The following CAPN8 variants were observed in gnomAD, a reference collection of about 807,000 sequenced individuals.
CAPN8 encodes the protein calpain 8.
In CAPN8, 87 loss-of-function variants were observed where a neutral mutation model predicts 80.9. The observed-to-expected ratio is 1.07, with a 90% CI of 0.90 to 1.28. The LOEUF (loss-of-function observed/expected upper bound fraction) is 1.28. Ranked by LOEUF, CAPN8 falls within the 50% of genes most tolerant of loss-of-function variation. The pLI is 0.00. For missense variants in CAPN8, 757 were observed against 702.0 expected, an observed-to-expected ratio of 1.08 and a Z score of -0.89; for synonymous variants, 299 against 273.8, an observed-to-expected ratio of 1.09 and a Z score of -0.91.
At chr1:223,552,943 A>T (rs1307803855) in intron 14 of CAPN8, among the ~76,000 whole-genome samples, 1 of 152,196 alleles carries the variant, frequency 6.6e-6, no homozygotes, top group African/African-American at 2.4e-5. Context: ...TCTAAAACAT[A>T]AATTGGCTCA....
chr1:223,556,547 A>C, intron 13 of CAPN8, among the ~76,000 whole-genome samples: 2 of 152,328 alleles, frequency 1.3e-5, no homozygotes, highest in Middle Eastern at 6.8e-3. Flanking sequence ...GCTGTCAGTC[A>C]TAAAGAAACC....
chr1:223,550,851 GC>G, intron 15 of CAPN8, 108 bp downstream of exon 15: 2 of 635,742 alleles, frequency 3.1e-6, no homozygotes, highest in Non-Finnish European at 2.8e-6. Context: ...AGACACCAAT[GC>G]CCTTTCTCCC....
At chr1:223,630,859 T>G (rs1657754061) in intron 2 of CAPN8, among the ~76,000 whole-genome samples, 1 of 152,114 alleles carries the variant, frequency 6.6e-6, no homozygotes, top group African/African-American at 2.4e-5. Context: ...AGTCTCTCAT[T>G]AAAAGGCAAC....
chr1:223,617,834 C>A, intron 9 of CAPN8: 1 of 170,564 alleles, frequency 5.9e-6, no homozygotes, highest in East Asian at 1.5e-4. Flanking sequence ...GAAACTGAAG[C>A]TCAGAAGAGG....
rs533913784 is a variant in CAPN8 at position 223,622,857 on chromosome 1, T to G, written c.857A>C (p.Asn286Thr). 10 of 1,551,756 alleles carry G rather than the reference T, an allele frequency of 6.4e-6. No individual in the cohort carries two copies. In the South Asian group the frequency reaches 1.2e-4, roughly 18 times the overall value. Residue 286 changes from asparagine (N) to threonine (T), a missense_variant, in exon 7 of 21, where the codon AAT (asparagine) becomes ACT (threonine). Asn to Thr is a moderately conservative substitution (Grantham distance 65, BLOSUM62 0). Coordinates refer to ENST00000366872, the MANE Select transcript of CAPN8 (RefSeq NM_001143962.2). ...GHPEKLIRLR[N>T]PWGEVEWSGA... ...CGACCACTCCACTTCACCCCATGGA[T>G]TCCTGAGTCTGATCAGCTTCTCTGG...
intron 14 of CAPN8, among the ~76,000 whole-genome samples, chr1:223,552,764 G>T (rs983561968): frequency 1.4e-4 from 22 of 152,204 alleles, no homozygotes; most frequent in African/African-American, 5.3e-4. Flanking sequence ...AGCAAGGAGA[G>T]TGACCAATAC....
intron 6 of CAPN8, 144 bp from the exon 7 acceptor site, chr1:223,623,044 C>T (rs1204403221): frequency 3.2e-6 from 2 of 630,998 alleles, no homozygotes; most frequent in Non-Finnish European, 5.5e-6. Flanking sequence ...TGCATCTTTT[C>T]AGGCTTGGGC....
At chr1:223,624,085 T>G (rs1313474345) in intron 6 of CAPN8, among the ~76,000 whole-genome samples, 1 of 152,164 alleles carries the variant, frequency 6.6e-6, no homozygotes, top group East Asian at 1.9e-4. Flanking sequence ...TCTATTTATT[T>G]ATTTATTTTT....
At chr1:223,627,247 T>C (rs562516122) in intron 4 of CAPN8, 90 bp from the exon 5 acceptor site, 963 of 1,390,040 alleles carry the variant, frequency 6.9e-4, no homozygotes, top group Non-Finnish European at 8.8e-4. Flanking sequence ...GGACATACTG[T>C]GGCCTGGAAG....
intron 13 of CAPN8, among the ~76,000 whole-genome samples, chr1:223,554,401 C>T (rs1265458422): frequency 1.3e-5 from 2 of 152,098 alleles, no homozygotes; most frequent in African/African-American, 2.4e-5. Context: ...GGGCAGGTCA[C>T]GTAAGCCCAG....
intron 1 of CAPN8, among the ~76,000 whole-genome samples, chr1:223,656,718 C>T (rs1488283831): frequency 8.3e-6 from 1 of 119,766 alleles, no homozygotes; most frequent in Non-Finnish European, 1.6e-5. Context: ...GGGTCTCGCT[C>T]TTTGGCCCAA....
Position 223,627,798 on chromosome 1 carries a change from C to T in CAPN8, c.560+211G>A, listed in dbSNP as rs72747929. ...TGGCCCCACCACATACACATTCACC[C>T]GAGGCAGAGCTGAGATGCTAAACTC... On this transcript the variant is annotated intron_variant, in intron 4 of 20. Coordinates refer to ENST00000366872, the MANE Select transcript of CAPN8 (RefSeq NM_001143962.2). 0.074 allele frequency among the ~76,000 whole-genome samples: 11,221 copies of T among 152,240 alleles called. 498 individuals carry two copies. The highest frequency in any genetic ancestry group is 0.094 in the Admixed American group (1,431 of 15,300).
intron 2 of CAPN8, among the ~76,000 whole-genome samples, chr1:223,639,957 A>G (rs757290426): frequency 6.6e-6 from 1 of 152,194 alleles, no homozygotes; most frequent in Non-Finnish European, 1.5e-5. Flanking sequence ...GCTGAAGTAA[A>G]TACATTCACA....
At position 223,541,645 on chromosome 1, in the gene CAPN8, T is replaced by C. The variant is rs1345155610; in HGVS notation, c.*191A>G. The C allele has an allele frequency of 8.2e-6, 6 of 727,612 alleles. No homozygotes were observed. The highest frequency in any genetic ancestry group is 1.4e-5 in the Non-Finnish European group (6 of 430,938). The allele number at this position is 727,612 out of a possible 1,614,324, so 45.1% of individuals were successfully genotyped here. A position where few individuals can be genotyped will look rare whatever the true frequency, so the allele number is the denominator to read the frequency against. ...GGCTCACAACTTTAATTGATTGCTT[T>C]CCCTCCACTGGGCCCACCGGGTCGG... On this transcript the variant is annotated 3_prime_UTR_variant, in exon 21 of 21. Transcript: ENST00000366872.
chr1:223,553,275 A>AG (rs1385770303), intron 14 of CAPN8, among the ~76,000 whole-genome samples: 3 of 152,180 alleles, frequency 2.0e-5, no homozygotes, highest in African/African-American at 7.2e-5. Flanking sequence ...GAGAAGGATC[A>AG]GGGGTCGCTT....
rs945316593 is a variant in CAPN8, at chr1:223,629,883, T to A, written c.308-1103A>T. Among the ~76,000 whole-genome samples, 88 of 152,224 alleles carry A rather than the reference T, an allele frequency of 5.8e-4. 2 individuals are homozygous for A. The highest frequency in any genetic ancestry group is 5.8e-3 in the Admixed American group (88 of 15,280). On this transcript the variant is annotated intron_variant, in intron 2 of 20. Transcript: ENST00000366872. ...TCAAACAGCTCCAAAGTCCTACCTGTGCATCTTAGCCTTTATCTTTTCCAT... is the reference window on the plus strand; with the variant it reads ...TCAAACAGCTCCAAAGTCCTACCTGAGCATCTTAGCCTTTATCTTTTCCAT...
intron 9 of CAPN8, chr1:223,618,132 A>G: frequency 8.0e-7 from 1 of 1,248,724 alleles, no homozygotes; most frequent in South Asian, 1.4e-5. Flanking sequence ...CAACAGATCA[A>G]CAGCAAACCA....
chr1:223,547,716 C>T (rs1298077131), intron 16 of CAPN8, among the ~76,000 whole-genome samples: 2 of 152,118 alleles, frequency 1.3e-5, no homozygotes, highest in South Asian at 4.2e-4. Flanking sequence ...GGAACAGAAA[C>T]TCCTGAAGAG....
chr1:223,621,813 T>C (rs1657401837), intron 7 of CAPN8, among the ~76,000 whole-genome samples: 1 of 152,068 alleles, frequency 6.6e-6, no homozygotes, highest in South Asian at 2.1e-4. Flanking sequence ...GGGGCATTAT[T>C]GTGACCATTT....
Sources: allele counts gnomAD v4.1 joint callset (sites outside exome capture counted in the v4.1 genomes callset), GRCh38; gene constraint gnomAD v4.1.1; transcripts MANE v1.5; gene names NCBI Gene and HGNC (gene_info 2026-07-23, HGNC 2026-07-21).